The following ATP6V0D1 variants were observed in gnomAD, a reference collection of about 807,000 sequenced individuals.
ATP6V0D1 encodes the protein V-type proton ATPase subunit d 1.
ATP6V0D1 carries 13 observed loss-of-function variants against 39.0 expected under a neutral mutation model. The observed-to-expected ratio is 0.33, with a 90% CI of 0.22 to 0.53. The LOEUF (loss-of-function observed/expected upper bound fraction) is 0.53. Among genes scored for constraint, ATP6V0D1 ranks in the 20% least tolerant of loss-of-function variants. ATP6V0D1 has a pLI of 0.94. For synonymous variants in ATP6V0D1, 191 were observed against 191.2 expected (o/e 1.00, Z 0.01); for missense variants, 272 against 470.9 (o/e 0.58, Z 3.91).
intron 1 of ATP6V0D1, among the ~76,000 whole-genome samples, chr16:67,460,390 C>T (rs942740640): frequency 2.6e-5 from 4 of 152,140 alleles, no homozygotes; most frequent in Admixed American, 1.3e-4. Flanking sequence ...TGGGAGGAGA[C>T]CTTTTTTTTC....
chr16:67,459,626 G>A (rs1420272789), intron 1 of ATP6V0D1, among the ~76,000 whole-genome samples: 2 of 152,256 alleles, frequency 1.3e-5, no homozygotes, highest in African/African-American at 4.8e-5. Flanking sequence ...GCCTTGAGAG[G>A]TGGCAGCTGG....
intron 1 of ATP6V0D1, among the ~76,000 whole-genome samples, chr16:67,464,707 G>C (rs936705083): frequency 1.3e-5 from 2 of 152,252 alleles, no homozygotes; most frequent in African/African-American, 4.8e-5. Flanking sequence ...CTCCTCAGAG[G>C]GAAAAGCCCC....
In ATP6V0D1 at chr16:67,481,146, C is replaced by T; in HGVS notation, c.-60G>A. The T allele has an allele frequency of 6.2e-7, 1 of 1,605,380 alleles. No homozygotes were observed. The highest frequency in any genetic ancestry group is 1.7e-5 in the Admixed American group (1 of 59,522). ...GACCGGCCGGCACGAATCGCGACTCCCCAGGTCAGCTGACGCTGCGTCCTC... is the reference window on the plus strand; with the variant it reads ...GACCGGCCGGCACGAATCGCGACTCTCCAGGTCAGCTGACGCTGCGTCCTC... On this transcript the variant is annotated 5_prime_UTR_variant, in exon 1 of 8. Transcript: ENST00000290949.
chr16:67,464,022 A>G (rs1339043355), intron 1 of ATP6V0D1, among the ~76,000 whole-genome samples: 1 of 152,210 alleles, frequency 6.6e-6, no homozygotes, highest in African/African-American at 2.4e-5. Context: ...AGGCCTTGTG[A>G]TATGGTATCT....
Position 67,453,635 on chromosome 16 carries a change from C to G in ATP6V0D1, c.211G>C (p.Asp71His). Residue 71 changes from aspartate (D) to histidine (H), a missense_variant, in exon 2 of 8, where the codon GAT becomes CAT. Coordinates refer to ENST00000290949, the MANE Select transcript of ATP6V0D1 (RefSeq NM_004691.5). The surrounding 1 kb of genome is among the most constrained non-coding windows in gnomAD (Gnocchi z 4.1). ...EASPLTVSVIDDRLKEKMVVE... is the reference protein window; with the variant it reads ...EASPLTVSVIHDRLKEKMVVE... ...ACCATCTTCTCCTTGAGCCGGTCAT[C>G]GATGACTGACACCGTCAGAGGTGAT... is the stretch of plus-strand genomic sequence containing the variant. 1 of 1,614,182 alleles carries G rather than the reference C, an allele frequency of 6.2e-7. No individual in the cohort carries two copies. The highest frequency in any genetic ancestry group is 8.5e-7 in the Non-Finnish European group (1 of 1,180,026).
At chr16:67,469,997 C>T (rs2041360173) in intron 1 of ATP6V0D1, among the ~76,000 whole-genome samples, 1 of 152,200 alleles carries the variant, frequency 6.6e-6, no homozygotes. Flanking sequence ...CACCTAACAA[C>T]ATATTTCTAA....
chr16:67,465,206 G>A (rs1365622353), intron 1 of ATP6V0D1, among the ~76,000 whole-genome samples: 1 of 152,240 alleles, frequency 6.6e-6, no homozygotes, highest in Non-Finnish European at 1.5e-5. Flanking sequence ...GGGGTACAGG[G>A]TAGGAGAGAC....
At chr16:67,449,010 G>A (rs1175601212) in intron 2 of ATP6V0D1, among the ~76,000 whole-genome samples, 2 of 152,248 alleles carry the variant, frequency 1.3e-5, no homozygotes, top group East Asian at 3.8e-4. Flanking sequence ...ATGTCCCTCT[G>A]TGACCAAGCA....
At position 67,481,103 on chromosome 16, in the gene ATP6V0D1, G is replaced by GCGGGACCGGAGAAC. The variant is rs760313311; in HGVS notation, c.-31_-18dup. ...GAACGACATGGCTGCTGCGGGAGCG[G>GCGGGACCGGAGAAC]CGGGACCGGAGAACCAGGACCGGCC... On this transcript the variant is annotated 5_prime_UTR_variant, in exon 1 of 8. Transcript: ENST00000290949. 1 of 1,613,576 alleles carries GCGGGACCGGAGAAC rather than the reference G, an allele frequency of 6.2e-7. No homozygotes were observed. Among genetic ancestry groups the GCGGGACCGGAGAAC allele is most frequent in the African/African-American group, 1.3e-5 (1 of 74,936 alleles).
intron 1 of ATP6V0D1, among the ~76,000 whole-genome samples, 166 bp downstream of exon 1, chr16:67,480,791 A>T (rs1026408427): frequency 6.6e-6 from 1 of 152,166 alleles, no homozygotes; most frequent in African/African-American, 2.4e-5. Flanking sequence ...GCGCCGAGCC[A>T]CAGCTAGAGG....
At chr16:67,465,957 CCTT>C (rs564283008) in intron 1 of ATP6V0D1, among the ~76,000 whole-genome samples, 37 of 152,230 alleles carry the variant, frequency 2.4e-4, no homozygotes, top group Admixed American at 3.9e-4. Context: ...TCCCCAGGCT[CCTT>C]GAGAAGTGGA....
At chr16:67,457,778 CT>C in intron 1 of ATP6V0D1, 1 of 512,650 alleles carries the variant, frequency 2.0e-6, no homozygotes, top group Middle Eastern at 4.9e-4. Context: ...GCCTTGGCTG[CT>C]GCATTCTGCT....
intron 1 of ATP6V0D1, among the ~76,000 whole-genome samples, chr16:67,468,332 A>G (rs943008084): frequency 6.6e-6 from 1 of 152,060 alleles, no homozygotes; most frequent in Non-Finnish European, 1.5e-5. Flanking sequence ...TCATGCATGT[A>G]ATCCCAGTAC....
chr16:67,439,395 T>C, intron 4 of ATP6V0D1, 44 bp from the exon 5 acceptor site: 1 of 1,591,186 alleles, frequency 6.3e-7, no homozygotes, highest in Non-Finnish European at 8.6e-7. Flanking sequence ...AAGGAAGCTC[T>C]GGAGGGCTTG....
At chr16:67,454,056 G>A (rs2041211534) in intron 1 of ATP6V0D1, among the ~76,000 whole-genome samples, 1 of 152,202 alleles carries the variant, frequency 6.6e-6, no homozygotes, top group Non-Finnish European at 1.5e-5. Context: ...TAAGCTGTAG[G>A]CTGGCCCTAA....
At chr16:67,459,937 G>A (rs1366427505) in intron 1 of ATP6V0D1, among the ~76,000 whole-genome samples, 1 of 152,260 alleles carries the variant, frequency 6.6e-6, no homozygotes, top group African/African-American at 2.4e-5. Flanking sequence ...GCCCATGGAG[G>A]GGTCTTGCTG....
At chr16:67,479,186 A>C (rs1188524200) in intron 1 of ATP6V0D1, among the ~76,000 whole-genome samples, 1 of 151,694 alleles carries the variant, frequency 6.6e-6, no homozygotes, top group African/African-American at 2.4e-5. Flanking sequence ...CGTTAACATC[A>C]TAACACCTAC....
In ATP6V0D1 at chr16:67,444,419, G is replaced by A. The variant is rs1375883427; in HGVS notation, c.481+109C>T. 8.6e-5 allele frequency: 102 copies of A among 1,186,732 alleles called. No individual in the cohort carries two copies. Among genetic ancestry groups the A allele is most frequent in the Non-Finnish European group, 9.5e-5 (81 of 854,942 alleles). The allele number at this position is 1,186,732 out of a possible 1,614,324, so 73.5% of individuals were successfully genotyped here. A position where few individuals can be genotyped will look rare whatever the true frequency, so the allele number is the denominator to read the frequency against. ...AGACAAAGGTAAGCAGCAGTGGGCAGGTCTCACTTTCTGGCTCAGGGTCGC... is the reference window on the plus strand; with the variant it reads ...AGACAAAGGTAAGCAGCAGTGGGCAAGTCTCACTTTCTGGCTCAGGGTCGC... On this transcript the variant is annotated intron_variant, in intron 3 of 7. Coordinates refer to ENST00000290949, the MANE Select transcript of ATP6V0D1 (RefSeq NM_004691.5). The surrounding 1 kb of genome is among the most constrained non-coding windows in gnomAD (Gnocchi z 4.8).
chr16:67,439,089 G>A lies in ATP6V0D1; in HGVS notation c.698C>T (p.Ser233Phe). Residue 233 changes from serine to phenylalanine, a missense_variant, in exon 6 of 8, where the codon TCC becomes TTC. Coordinates refer to ENST00000290949, the MANE Select transcript of ATP6V0D1 (RefSeq NM_004691.5). ...AAAGAGCTTGGCACGGTCCTCTTTG[G>A]ACAGCTCTGTGCCGAAAGAATTGAT... ...ITINSFGTEL[S>F]KEDRAKLFPH... is the part of the protein sequence containing the mutation. 1.2e-6 allele frequency: 2 copies of A among 1,614,248 alleles called. No individual in the cohort carries two copies. The highest frequency in any genetic ancestry group is 8.5e-7 in the Non-Finnish European group (1 of 1,180,042).
Sources: allele counts gnomAD v4.1 joint callset (sites outside exome capture counted in the v4.1 genomes callset), GRCh38; gene constraint gnomAD v4.1.1; non-coding constraint Gnocchi (gnomAD v3.1); transcripts MANE v1.5; gene names NCBI Gene and HGNC (gene_info 2026-07-23, HGNC 2026-07-21).